The following CAST variants were observed in gnomAD, a reference collection of about 807,000 sequenced individuals.
CAST encodes the protein calpastatin, also known as MIR583 host.
CAST carries 76 observed loss-of-function variants against 119.6 expected under a neutral mutation model. The observed-to-expected ratio is 0.64, with a 90% CI of 0.53 to 0.77. The LOEUF (loss-of-function observed/expected upper bound fraction) is 0.77. Ranked by LOEUF, CAST falls within the 30% of genes least tolerant of loss-of-function variation. The pLI, the probability that CAST is intolerant of heterozygous loss-of-function variation, is 0.00. For synonymous variants in CAST, 319 were observed against 331.6 expected (o/e 0.96, Z 0.41); for missense variants, 953 against 946.5 (o/e 1.01, Z -0.09).
At chr5:96,212,762 G>GAAA in the CAST span, among the ~76,000 whole-genome samples, 3 of 152,058 alleles carry the variant, frequency 2.0e-5, no homozygotes, top group African/African-American at 7.2e-5. Flanking sequence ...TCATAACTCT[G>GAAA]TTGCTTTTTG....
the CAST span, among the ~76,000 whole-genome samples, chr5:96,502,252 T>A: frequency 6.6e-6 from 1 of 152,194 alleles, no homozygotes; most frequent in African/African-American, 2.4e-5. Flanking sequence ...GCCCACATTG[T>A]TGTCCAGCCT....
In CAST at chr5:96,649,862, T is replaced by C. The variant is rs369967636; in HGVS notation, c.61-25677T>C. 8.7e-4 allele frequency among the ~76,000 whole-genome samples: 133 copies of C among 152,326 alleles called. 6 individuals are homozygous for C. The South Asian group carries it at 0.025, about 29-fold the overall frequency. On this transcript the variant is annotated intron_variant, in intron 1 of 11. Coordinates refer to the CAST transcript ENST00000505143. ...AGTAAAGATTAGTCAATCCTTGGTGTATATAATGAGTTAGGTAATACTGTA... is the reference window on the plus strand; with the variant it reads ...AGTAAAGATTAGTCAATCCTTGGTGCATATAATGAGTTAGGTAATACTGTA...
the CAST span, chr5:96,432,028 C>A: frequency 2.4e-6 from 3 of 1,274,678 alleles, no homozygotes; most frequent in South Asian, 3.8e-5. Flanking sequence ...ATCGACCAAG[C>A]CTTCACTTGG....
chr5:96,729,701 A>G lies in CAST; in HGVS notation c.525A>G (p.Pro175=). ...TTTCCAGATCAGCTGAACAGCAGCC[A>G]TCAGAGAAATCAACAGAACCAAAGG... ...KAVSRSAEQQ[P]SEKSTEPKTK... Residue 175 remains proline, a synonymous_variant, in exon 8 of 32, where the codon CCA becomes CCG. Transcript: ENST00000675179. The G allele has an allele frequency of 6.5e-7, 1 of 1,533,166 alleles. No homozygotes were observed. Among genetic ancestry groups the G allele is most frequent in the Non-Finnish European group, 9.0e-7 (1 of 1,106,252 alleles). 95.0% of individuals were successfully genotyped at this position (1,533,166 alleles called of 1,614,324 possible).
chr5:96,239,177 AT>A, the CAST span, among the ~76,000 whole-genome samples: 1 of 152,224 alleles, frequency 6.6e-6, no homozygotes, highest in South Asian at 2.1e-4. Context: ...GTAAGGTTAC[AT>A]TTTTGATAAA....
rs529323211 is a variant in CAST, at chr5:96,621,295, A to G, written c.61-54244A>G. Among the ~76,000 whole-genome samples the G allele has an allele frequency of 3.3e-5, 5 of 152,370 alleles. No individual in the cohort carries two copies. In the East Asian group the frequency reaches 7.7e-4, roughly 23 times the overall value. On this transcript the variant is annotated intron_variant, in intron 1 of 11. Transcript: ENST00000505143. ...TAGGTTCAGCTGCCCATGTGAGCAA[A>G]TATAAAATCATAGCAATTTAATCAA... is the stretch of plus-strand genomic sequence containing the variant.
intron 1 of CAST, among the ~76,000 whole-genome samples, chr5:96,597,597 C>T (rs902857853): frequency 1.3e-5 from 2 of 152,160 alleles, no homozygotes; most frequent in African/African-American, 2.4e-5. Context: ...CACACTCCTC[C>T]GTTAGTTTGC....
the CAST span, among the ~76,000 whole-genome samples, chr5:96,515,485 A>G: frequency 4.6e-5 from 7 of 152,182 alleles, no homozygotes; most frequent in East Asian, 1.2e-3. Flanking sequence ...TCCTGGTGCT[A>G]TCTTGGAGCC....
chr5:96,121,249 T>TG, the CAST span, among the ~76,000 whole-genome samples: 4 of 152,182 alleles, frequency 2.6e-5, no homozygotes, highest in African/African-American at 9.7e-5. Flanking sequence ...GATGTGGCTT[T>TG]GGGGGAGCCC....
the CAST span, among the ~76,000 whole-genome samples, chr5:96,228,026 T>G: frequency 1.3e-5 from 2 of 148,234 alleles, no homozygotes; most frequent in African/African-American, 2.5e-5. Context: ...TGTGTGTGTG[T>G]GCACGCACAT....
the CAST span, among the ~76,000 whole-genome samples, chr5:96,361,714 T>C: frequency 4.7e-5 from 7 of 150,092 alleles, no homozygotes; most frequent in African/African-American, 1.7e-4. Flanking sequence ...GTTGGAAATG[T>C]GGAAATCATC....
At chr5:96,077,540 G>A in the CAST span, among the ~76,000 whole-genome samples, 2 of 152,142 alleles carry the variant, frequency 1.3e-5, no homozygotes, top group Non-Finnish European at 2.9e-5. Flanking sequence ...TTGAAATTGT[G>A]GGGCTGCTTA....
At chr5:96,241,330 G>C in the CAST span, among the ~76,000 whole-genome samples, 1 of 150,912 alleles carries the variant, frequency 6.6e-6, no homozygotes, top group Admixed American at 6.6e-5. Context: ...TTTTGTTCTT[G>C]TGATAGTTTA....
the CAST span, among the ~76,000 whole-genome samples, chr5:96,295,401 C>T: frequency 1.3e-5 from 2 of 152,070 alleles, no homozygotes; most frequent in African/African-American, 4.8e-5. Flanking sequence ...GACTTTATGC[C>T]CTGGGCATGA....
At chr5:96,446,930 G>A in the CAST span, among the ~76,000 whole-genome samples, 1 of 152,232 alleles carries the variant, frequency 6.6e-6, no homozygotes, top group Non-Finnish European at 1.5e-5. Flanking sequence ...TGAGCTTCCT[G>A]TCGTTTGGGG....
At chr5:95,999,948 G>T in the CAST span, among the ~76,000 whole-genome samples, 3 of 152,240 alleles carry the variant, frequency 2.0e-5, no homozygotes, top group East Asian at 5.8e-4. Context: ...AACCATTTCA[G>T]TGGATTTGAA....
chr5:96,475,808 C>G, the CAST span, among the ~76,000 whole-genome samples: 3 of 152,106 alleles, frequency 2.0e-5, no homozygotes, highest in African/African-American at 7.2e-5. Context: ...GACTTCAGAT[C>G]CAAGAGTAGG....
At chr5:96,542,839 T>G (rs995658658) in intron 1 of CAST, among the ~76,000 whole-genome samples, 1 of 152,228 alleles carries the variant, frequency 6.6e-6, no homozygotes, top group African/African-American at 2.4e-5. Context: ...CATGATGAGA[T>G]GCCATCTCAC....
chr5:96,410,911 C>T, the CAST span: 2 of 1,614,076 alleles, frequency 1.2e-6, no homozygotes, highest in Non-Finnish European at 1.7e-6. Context: ...GTGTAGCCAT[C>T]ACAGTCACAA....
Sources: gnomAD v4.1 joint callset for allele counts (sites outside exome capture counted in the v4.1 genomes callset) on GRCh38, gnomAD v4.1.1 for gene constraint, MANE v1.5 for transcripts, NCBI Gene and HGNC (gene_info 2026-07-23, HGNC 2026-07-21) for gene names.